CDC16: variants seen among roughly 807,000 people sequenced by gnomAD.
CDC16 encodes the protein cell division cycle 16, also known as cell division cycle protein 16 homolog.
A neutral mutation model predicts 87.0 loss-of-function variants in CDC16; 34 were observed. The observed-to-expected ratio is 0.39, with a 90% CI of 0.30 to 0.52. The LOEUF (loss-of-function observed/expected upper bound fraction) is 0.52, where lower values mean the gene tolerates loss of function less well. Among genes scored for constraint, CDC16 ranks in the 20% least tolerant of loss-of-function variants. The probability of loss-of-function intolerance (pLI) is 0.74; values close to 1 mark genes in which losing one functional copy is unlikely to be tolerated. For synonymous variants in CDC16, 263 were observed against 260.6 expected (o/e 1.01, Z -0.09); for missense variants, 653 against 751.9 (o/e 0.87, Z 1.54).
chr13:114,246,827 A>G lies in CDC16; in HGVS notation c.898-104A>G, dbSNP rs1294703362. On this transcript the variant is annotated intron_variant, in intron 10 of 17. Transcript: ENST00000356221. The stretch of plus-strand genomic sequence containing the variant: ...ATGTCTAACTTAACTAGAATATGTG[A>G]TAAGGAACATGTAGTATACCCTCTG... The G allele has an allele frequency of 6.7e-6, 5 of 751,664 alleles. No individual in the cohort carries two copies. In the African/African-American group the frequency reaches 6.9e-5, roughly 10 times the overall value. The allele number at this position is 751,664 out of a possible 1,614,324, so 46.6% of individuals were successfully genotyped here. A position where few individuals can be genotyped will look rare whatever the true frequency, so the allele number is the denominator to read the frequency against.
chr13:114,236,503 A>C, intron 1 of CDC16, 142 bp from the exon 2 acceptor site: 1 of 697,954 alleles, frequency 1.4e-6, no homozygotes, highest in Non-Finnish European at 2.0e-6. Flanking sequence ...ATAGAGATGT[A>C]ACAAATTGTT....
chr13:114,239,360 A>G lies in CDC16; in HGVS notation c.251A>G (p.Lys84Arg), dbSNP rs749979853. The G allele has an allele frequency of 3.1e-6, 5 of 1,606,550 alleles. No homozygotes were observed. The Admixed American group carries it at 5.0e-5, about 16-fold the overall frequency. ...CTGTTTTCCACGTAGTATGCTGCAAAAGAGCACCAGCAGGCCCTTGATGTT... is the reference window on the plus strand; with the variant it reads ...CTGTTTTCCACGTAGTATGCTGCAAGAGAGCACCAGCAGGCCCTTGATGTT... ...YLAARCHYAA[K>R]EHQQALDVLD... The change falls in exon 5 of 18, where the codon AAA (lysine) becomes AGA (arginine). Residue 84 changes from lysine (K) to arginine (R), a missense_variant. By Grantham distance (26) the Lys-to-Arg change is conservative. Coordinates refer to ENST00000356221, the MANE Select transcript of CDC16 (RefSeq NM_001078645.3).
At chr13:114,249,332 C>CT (rs76466651) in intron 11 of CDC16, among the ~76,000 whole-genome samples, 4,057 of 147,022 alleles carry the variant, frequency 0.028, 190 homozygotes, top group African/African-American at 0.093. Flanking sequence ...ACAGATTAAG[C>CT]TTTTTTTTTT....
At chr13:114,267,986 A>T (rs919631369) in intron 17 of CDC16, among the ~76,000 whole-genome samples, 1 of 152,210 alleles carries the variant, frequency 6.6e-6, no homozygotes, top group Non-Finnish European at 1.5e-5. Context: ...CAAGAAAAAA[A>T]CTCAGGTCCC....
At chr13:114,246,870 C>T (rs188308626) in intron 10 of CDC16, 61 bp from the exon 11 acceptor site, 4 of 1,006,028 alleles carry the variant, frequency 4.0e-6, no homozygotes, top group East Asian at 2.4e-5. Flanking sequence ...TAATTTGTTG[C>T]AGATTCCAAT....
At chr13:114,248,927 A>G (rs2138971647) in intron 11 of CDC16, among the ~76,000 whole-genome samples, 2 of 152,112 alleles carry the variant, frequency 1.3e-5, no homozygotes, top group South Asian at 4.2e-4. Context: ...AGTGGTCCCC[A>G]ACATTTTTGG....
In CDC16 at chr13:114,245,770, C is replaced by T; in HGVS notation, c.848-230C>T. On this transcript the variant is annotated intron_variant, in intron 9 of 17. Transcript: ENST00000356221. ...GTGAGGTGCTTTGCTGTATCCTCTG[C>T]AGTATTCGGGAAGTGCTGTCTTAGG... 1.3e-5 allele frequency: 6 copies of T among 457,506 alleles called. 1 individual carries two copies. The South Asian group carries it at 1.4e-4, about 11-fold the overall frequency. The allele number at this position is 457,506 out of a possible 1,614,324, so 28.3% of individuals were successfully genotyped here.
In CDC16 at chr13:114,265,177, T is replaced by C. The variant is rs2083121003; in HGVS notation, c.1540T>C (p.Phe514Leu). ...TALGLRRDDT[F>L]SVTMLGHCIE... The stretch of plus-strand genomic sequence containing the variant: ...CCTTGGTCTTAGGCGAGATGATACA[T>C]TTTCTGTTACAATGCTTGGTCATTG... The change falls in exon 17 of 18, where the codon TTT becomes CTT. Residue 514 changes from phenylalanine to leucine, a missense_variant. By Grantham distance (22) the Phe-to-Leu change is conservative. Transcript: ENST00000356221. 3.1e-6 allele frequency: 5 copies of C among 1,612,134 alleles called. No homozygotes were observed. The Admixed American group carries it at 8.3e-5, about 27-fold the overall frequency.
At chr13:114,244,703 TTC>T (rs2081750771) in intron 8 of CDC16, 185 bp from the exon 9 acceptor site, 8 of 401,374 alleles carry the variant, frequency 2.0e-5, no homozygotes, top group Non-Finnish European at 2.2e-5. Context: ...CCAGAATTTT[TTC>T]TTTCATTTGT....
At chr13:114,240,370 C>T (rs927943858) in intron 5 of CDC16, among the ~76,000 whole-genome samples, 3 of 152,182 alleles carry the variant, frequency 2.0e-5, no homozygotes, top group Admixed American at 6.5e-5. Context: ...CCACCATGCC[C>T]GGCTAATTTT....
chr13:114,246,042 G>A lies in CDC16; in HGVS notation c.890G>A (p.Ser297Asn). Residue 297 changes from serine (S) to asparagine (N), a missense_variant, in exon 10 of 18, where the codon AGT (serine) becomes AAT (asparagine). Coordinates refer to ENST00000356221, the MANE Select transcript of CDC16 (RefSeq NM_001078645.3). ...CATAAACTGGTGGATTTATATCCTA[G>A]TAATCCTGTAAGTAATATAACTTTT... is the stretch of plus-strand genomic sequence containing the variant. ...LSHKLVDLYP[S>N]NPVSWFAVGC... The A allele has an allele frequency of 1.4e-6, 2 of 1,422,792 alleles. No homozygotes were observed. The highest frequency in any genetic ancestry group is 1.2e-5 in the South Asian group (1 of 80,230). The allele number at this position is 1,422,792 out of a possible 1,614,324, so 88.1% of individuals were successfully genotyped here.
At chr13:114,248,282 C>A (rs1016410171) in intron 11 of CDC16, among the ~76,000 whole-genome samples, 21 of 152,322 alleles carry the variant, frequency 1.4e-4, no homozygotes, top group African/African-American at 4.3e-4. Flanking sequence ...CTAACGGAAA[C>A]AGCATAAACT....
At chr13:114,251,118 A>G (rs2082148349) in intron 12 of CDC16, among the ~76,000 whole-genome samples, 2 of 152,212 alleles carry the variant, frequency 1.3e-5, no homozygotes, top group African/African-American at 4.8e-5. Flanking sequence ...TTTGAGGAGT[A>G]GAGTATTGCT....
intron 17 of CDC16, among the ~76,000 whole-genome samples, chr13:114,271,357 A>T (rs1406593182): frequency 6.6e-6 from 1 of 152,204 alleles, no homozygotes; most frequent in Non-Finnish European, 1.5e-5. Context: ...TACCTAATAC[A>T]TCTGTTCAGA....
chr13:114,259,160 T>C (rs2082690013), intron 13 of CDC16, among the ~76,000 whole-genome samples, 175 bp from the exon 14 acceptor site: 1 of 152,054 alleles, frequency 6.6e-6, no homozygotes, highest in Admixed American at 6.6e-5. Context: ...TCTTGAACTC[T>C]TGATATTAAT....
chr13:114,258,740 G>A lies in CDC16; in HGVS notation c.1251-595G>A, dbSNP rs145461898. Among the ~76,000 whole-genome samples the A allele has an allele frequency of 9.8e-3, 1,485 of 152,260 alleles. 22 individuals carry two copies. Among genetic ancestry groups the A allele is most frequent in the African/African-American group, 0.034 (1,411 of 41,540 alleles). On this transcript the variant is annotated intron_variant, in intron 13 of 17. Transcript: ENST00000356221. ...ACCAGAGAATTGCAGGAATCTAACT[G>A]TATTTCCCCTGGCAGCCGCGGTTCA...
intron 7 of CDC16, 61 bp downstream of exon 7, chr13:114,243,409 G>A (rs1005639252): frequency 1.8e-4 from 152 of 827,888 alleles, no homozygotes; most frequent in Non-Finnish European, 1.0e-4. Context: ...ATAAAATTTG[G>A]CATCTAGTCT....
chr13:114,236,761 T>G, intron 2 of CDC16, 38 bp from the exon 3 acceptor site: 2 of 1,612,684 alleles, frequency 1.2e-6, no homozygotes, highest in East Asian at 4.5e-5. Context: ...CTATTTCACC[T>G]TGTACCTCTG....
At chr13:114,235,514 C>T (rs74116839) in intron 1 of CDC16, among the ~76,000 whole-genome samples, 3,724 of 152,294 alleles carry the variant, frequency 0.024, 157 homozygotes, top group African/African-American at 0.085. Flanking sequence ...GTAATTTTTA[C>T]TGGGCTGAAT....
Sources: allele counts gnomAD v4.1 joint callset (sites outside exome capture counted in the v4.1 genomes callset), GRCh38; gene constraint gnomAD v4.1.1; transcripts MANE v1.5; gene names NCBI Gene and HGNC (gene_info 2026-07-23, HGNC 2026-07-21).